Variants in SLC6A13 observed in about 807,000 individuals in gnomAD.
The protein encoded by SLC6A13 is sodium- and chloride-dependent GABA transporter 2.
Under a neutral mutation model 72.9 loss-of-function variants are expected in SLC6A13, and 69 were observed. That is an observed-to-expected ratio of 0.95 (90% CI 0.78 to 1.16). The LOEUF (loss-of-function observed/expected upper bound fraction) is 1.16. Among genes scored for constraint, SLC6A13 ranks in the 50% most tolerant of loss-of-function variants. SLC6A13 has a pLI of 0.00. For synonymous variants in SLC6A13, 303 were observed against 303.0 expected (o/e 1.00, Z 0.00); for missense variants, 735 against 760.5 (o/e 0.97, Z 0.39).
At chr12:223,637 G>A (rs560187780) in intron 11 of SLC6A13, 120 of 326,386 alleles carry the variant, frequency 3.7e-4, no homozygotes, top group African/African-American at 2.2e-3. Context: ...CCAGCCCCAG[G>A]CCTCCCTTTC....
At chr12:237,899 C>T (rs1019563209) in intron 5 of SLC6A13, 27 bp downstream of exon 5, 21 of 1,543,136 alleles carry the variant, frequency 1.4e-5, no homozygotes, top group Non-Finnish European at 1.9e-5. Context: ...ACACGGCCCA[C>T]AGTGGGTGGG....
At position 242,688 on chromosome 12, in the gene SLC6A13, C is replaced by G; in HGVS notation, c.404G>C (p.Trp135Ser). The G allele has an allele frequency of 6.2e-7, 1 of 1,611,466 alleles. No individual in the cohort carries two copies. The highest frequency in any genetic ancestry group is 8.5e-7 in the Non-Finnish European group (1 of 1,178,896). The change falls in exon 4 of 15, where the codon TGG (tryptophan) becomes TCG (serine). Residue 135 changes from tryptophan to serine, a missense_variant. Trp to Ser is a radical substitution (Grantham distance 177). Coordinates refer to ENST00000343164, the MANE Select transcript of SLC6A13 (RefSeq NM_016615.5). ...GCTGCTGAAGAGGTAGAACAGGGCC[C>G]AGGCCAACACAATGATGTAGTAGAC... ...LNVYYIIVLAWALFYLFSSFT... is the reference protein window; with the variant it reads ...LNVYYIIVLASALFYLFSSFT...
intron 4 of SLC6A13, among the ~76,000 whole-genome samples, chr12:241,813 G>A (rs557715159): frequency 3.3e-5 from 5 of 152,328 alleles, no homozygotes; most frequent in East Asian, 3.9e-4. Context: ...TCAGGTAGTC[G>A]TATAAGCACA....
At chr12:238,398 TG>T in intron 4 of SLC6A13, 1 of 1,223,792 alleles carries the variant, frequency 8.2e-7, no homozygotes, top group South Asian at 1.3e-5. Flanking sequence ...GAGCGCAGGT[TG>T]GAAAGCTCTG....
intron 6 of SLC6A13, 128 bp downstream of exon 6, chr12:237,030 C>T (rs1381070031): frequency 2.0e-6 from 2 of 1,015,444 alleles, no homozygotes; most frequent in Admixed American, 2.2e-5. Context: ...AAGGGAGCCA[C>T]ATCAAATCCT....
chr12:255,161 C>CG (rs1942696646), intron 2 of SLC6A13, among the ~76,000 whole-genome samples: 1 of 152,048 alleles, frequency 6.6e-6, no homozygotes, highest in East Asian at 1.9e-4. Flanking sequence ...CATCTCATCG[C>CG]GGGGGCTCTA....
At position 223,004 on chromosome 12, in the gene SLC6A13, T is replaced by G. The variant is rs1941280098; in HGVS notation, c.1414+128A>C. 1.1e-5 allele frequency: 7 copies of G among 625,446 alleles called. No homozygotes were observed. The East Asian group carries it at 1.7e-4, about 15-fold the overall frequency. The allele number at this position is 625,446 out of a possible 1,614,324, so 38.7% of individuals were successfully genotyped here. On this transcript the variant is annotated intron_variant, in intron 12 of 14. Transcript: ENST00000343164. The stretch of plus-strand genomic sequence containing the variant: ...TAGCAATTTAGGATTTGCAAGATTT[T>G]GGAGGTTGGGTAGGGAGGCGCCCCA...
At position 220,994 on chromosome 12, in the gene SLC6A13, G is replaced by A. The variant is rs1451644014; in HGVS notation, c.1763C>T (p.Pro588Leu). 1.2e-6 allele frequency: 2 copies of A among 1,612,742 alleles called. No individual in the cohort carries two copies. The highest frequency in any genetic ancestry group is 2.2e-5 in the East Asian group (1 of 44,886). Residue 588 changes from proline to leucine, a missense_variant, in exon 15 of 15, where the codon CCC becomes CTC. By Grantham distance (98) the Pro-to-Leu change is moderately conservative. Coordinates refer to ENST00000343164, the MANE Select transcript of SLC6A13 (RefSeq NM_016615.5). ...TGTGAGTCTGAGCAGTGAGGTCCTG[G>A]GGGTGGCGGGAGCCGAGGGTCCTGC... ...NPAGPSAPAT[P>L]RTSLLRLTEL...
chr12:251,043 C>A (rs12366824), intron 2 of SLC6A13, among the ~76,000 whole-genome samples: 10,051 of 151,722 alleles, frequency 0.066, 474 homozygotes, highest in Non-Finnish European at 0.095. Flanking sequence ...GTAGTCCCAG[C>A]TACTCGCGAG....
At chr12:223,309 C>T (rs1008606854) in intron 11 of SLC6A13, 75 bp from the exon 12 acceptor site, 1 of 886,382 alleles carries the variant, frequency 1.1e-6, no homozygotes, top group African/African-American at 1.7e-5. Context: ...TGCCCTTTAG[C>T]TTCACACGGT....
intron 7 of SLC6A13, 36 bp downstream of exon 7, chr12:235,054 G>A (rs768829526): frequency 1.2e-6 from 2 of 1,613,322 alleles, no homozygotes; most frequent in African/African-American, 2.7e-5. Context: ...AGTTGCCCTG[G>A]GAGTCACGTG....
chr12:259,746 G>T, intron 2 of SLC6A13, 105 bp downstream of exon 2: 3 of 1,610,296 alleles, frequency 1.9e-6, no homozygotes, highest in Non-Finnish European at 1.7e-6. Flanking sequence ...CCTACCTCCA[G>T]AATTCTATAC....
At position 240,707 on chromosome 12, in the gene SLC6A13, C is replaced by T. The variant is rs192260117; in HGVS notation, c.478+1907G>A. Among the ~76,000 whole-genome samples the T allele has an allele frequency of 7.2e-4, 109 of 152,318 alleles. 1 individual carries two copies. In the South Asian group the frequency reaches 9.5e-3, roughly 13 times the overall value. On this transcript the variant is annotated intron_variant, in intron 4 of 14. Transcript: ENST00000343164. ...GGAAGTGCAGGAGCAGGGCCGGGGC[C>T]GGTGCAGGTGCTACCAGACACATTT... is the stretch of plus-strand genomic sequence containing the variant.
intron 9 of SLC6A13, among the ~76,000 whole-genome samples, chr12:224,848 C>G (rs1474522395): frequency 2.0e-5 from 3 of 152,238 alleles, no homozygotes; most frequent in Admixed American, 6.5e-5. Context: ...CAGAAGCCAG[C>G]AGGCCATAGA....
At chr12:243,408 C>T (rs1483790195) in intron 3 of SLC6A13, among the ~76,000 whole-genome samples, 6 of 152,194 alleles carry the variant, frequency 3.9e-5, no homozygotes, top group Non-Finnish European at 1.5e-5. Flanking sequence ...AATACAACAA[C>T]ATTGTTATGT....
intron 7 of SLC6A13, among the ~76,000 whole-genome samples, chr12:231,206 G>A (rs1248030826): frequency 3.3e-5 from 5 of 152,236 alleles, no homozygotes; most frequent in East Asian, 1.9e-4. Context: ...CCAGGGGGAG[G>A]AGACAAGGCC....
At chr12:257,739 AG>A (rs1168881985) in intron 2 of SLC6A13, among the ~76,000 whole-genome samples, 1 of 152,098 alleles carries the variant, frequency 6.6e-6, no homozygotes, top group Non-Finnish European at 1.5e-5. Flanking sequence ...TGCCAGACAA[AG>A]GACCGGGGAG....
chr12:259,611 T>C (rs1565511696), intron 2 of SLC6A13: 2 of 1,419,314 alleles, frequency 1.4e-6, no homozygotes, highest in Non-Finnish European at 9.2e-7. Context: ...CTCATCCACC[T>C]GGTTCCAGCT....
chr12:250,830 CCCCAAAAA>C lies in SLC6A13; in HGVS notation c.203-7025_203-7018del, dbSNP rs753402126. Among the ~76,000 whole-genome samples the C allele has an allele frequency of 8.0e-3, 37 of 4,612 alleles. 1 individual carries two copies. The highest frequency in any genetic ancestry group is 0.019 in the African/African-American group (33 of 1,720). The allele number at this position is 4,612 out of a possible 152,430, so 3.0% of individuals were successfully genotyped here. ...GAAATGATAAGGACCCAAAATAGCCCCCCAAAAAAAAAAAAAAAAAAACCTAAAAACAG... is the reference window on the plus strand; with the variant it reads ...GAAATGATAAGGACCCAAAATAGCCCAAAAAAAAAAAAAACCTAAAAACAG... On this transcript the variant is annotated intron_variant, in intron 2 of 14. Coordinates refer to ENST00000343164, the MANE Select transcript of SLC6A13 (RefSeq NM_016615.5).
Sources: gnomAD v4.1 joint callset for allele counts (sites outside exome capture counted in the v4.1 genomes callset) on GRCh38, gnomAD v4.1.1 for gene constraint, MANE v1.5 for transcripts, NCBI Gene and HGNC (gene_info 2026-07-23, HGNC 2026-07-21) for gene names.